The following FBXL7 variants were observed in gnomAD, a reference collection of about 807,000 sequenced individuals.
FBXL7 encodes the protein F-box and leucine rich repeat protein 7.
A neutral mutation model predicts 38.3 loss-of-function variants in FBXL7; 12 were observed. The observed-to-expected ratio is 0.31, with a 90% CI of 0.20 to 0.51. The LOEUF (loss-of-function observed/expected upper bound fraction) is 0.51. Among genes scored for constraint, FBXL7 ranks in the 20% least tolerant of loss-of-function variants. FBXL7 has a pLI of 0.98. For synonymous variants in FBXL7, 297 were observed against 300.9 expected (o/e 0.99, Z 0.13); for missense variants, 567 against 676.4 (o/e 0.84, Z 1.79).
chr5:15,516,564 T>C (rs1255280023), intron 1 of FBXL7, among the ~76,000 whole-genome samples: 3 of 152,224 alleles, frequency 2.0e-5, no homozygotes, highest in Non-Finnish European at 4.4e-5. Context: ...TAGATTGATA[T>C]GGTTTGGCTG....
At position 15,609,340 on chromosome 5, in the gene FBXL7, G is replaced by A. The variant is rs74543095; in HGVS notation, c.38-6643G>A. ...CCCCAGAGTTTTCTTCATTTAAGGG[G>A]AGGGAAATGAGGCTTCAGCCTTTGA... On this transcript the variant is annotated intron_variant, in intron 1 of 3. Coordinates refer to ENST00000504595, the MANE Select transcript of FBXL7 (RefSeq NM_012304.5). Among the ~76,000 whole-genome samples the A allele has an allele frequency of 6.3e-3, 967 of 152,312 alleles. 17 individuals are homozygous for A. The highest frequency in any genetic ancestry group is 0.022 in the African/African-American group (915 of 41,546).
At chr5:15,515,946 A>G (rs1440082673) in intron 1 of FBXL7, among the ~76,000 whole-genome samples, 1 of 152,188 alleles carries the variant, frequency 6.6e-6, no homozygotes, top group Non-Finnish European at 1.5e-5. Flanking sequence ...TTAAAAACAG[A>G]TGATTAGCTT....
At chr5:15,518,110 C>T (rs1580348033) in intron 1 of FBXL7, among the ~76,000 whole-genome samples, 1 of 152,130 alleles carries the variant, frequency 6.6e-6, no homozygotes, top group Non-Finnish European at 1.5e-5. Context: ...CCTGTCTCAG[C>T]CTCCTGGGTA....
intron 2 of FBXL7, among the ~76,000 whole-genome samples, chr5:15,675,120 A>G (rs965120206): frequency 1.3e-5 from 2 of 152,256 alleles, no homozygotes; most frequent in African/African-American, 4.8e-5. Flanking sequence ...AGTGCCTGGA[A>G]TGGGATGCCA....
At chr5:15,775,109 CA>C (rs1412227167) in intron 2 of FBXL7, among the ~76,000 whole-genome samples, 1 of 152,130 alleles carries the variant, frequency 6.6e-6, no homozygotes, top group African/African-American at 2.4e-5. Flanking sequence ...TTGTAAACAT[CA>C]AACAGCTAAG....
intron 2 of FBXL7, among the ~76,000 whole-genome samples, chr5:15,654,262 A>G (rs777845640): frequency 6.6e-6 from 1 of 152,190 alleles, no homozygotes; most frequent in Non-Finnish European, 1.5e-5. Context: ...AACTGATGGA[A>G]TAGCTACCTT....
At chr5:15,871,904 A>G (rs556492181) in intron 2 of FBXL7, among the ~76,000 whole-genome samples, 26 of 152,334 alleles carry the variant, frequency 1.7e-4, no homozygotes, top group Admixed American at 4.6e-4. Context: ...ATAGCAAGAT[A>G]GGCAAACATT....
At chr5:15,629,365 T>C (rs1740926702) in intron 2 of FBXL7, among the ~76,000 whole-genome samples, 1 of 152,178 alleles carries the variant, frequency 6.6e-6, no homozygotes, top group Non-Finnish European at 1.5e-5. Context: ...AAGTTAGAGC[T>C]AGAGACTATG....
intron 2 of FBXL7, among the ~76,000 whole-genome samples, chr5:15,915,465 A>G (rs890876613): frequency 8.5e-5 from 13 of 152,226 alleles, no homozygotes; most frequent in African/African-American, 3.1e-4. Flanking sequence ...CTCCCTCTGC[A>G]TATGAGTCTT....
intron 2 of FBXL7, among the ~76,000 whole-genome samples, chr5:15,920,336 C>A (rs1368547249): frequency 6.6e-6 from 1 of 152,286 alleles, no homozygotes; most frequent in African/African-American, 2.4e-5. Context: ...ACTTGGGCAG[C>A]AGTAACAATG....
chr5:15,528,713 G>T (rs893849909), intron 1 of FBXL7, among the ~76,000 whole-genome samples: 2 of 152,156 alleles, frequency 1.3e-5, no homozygotes, highest in Non-Finnish European at 1.5e-5. Flanking sequence ...TACAATTCAA[G>T]ATGAGATTTG....
At chr5:15,793,764 T>C in intron 2 of FBXL7, among the ~76,000 whole-genome samples, 1 of 152,242 alleles carries the variant, frequency 6.6e-6, no homozygotes, top group Admixed American at 6.5e-5. Flanking sequence ...TAAGCCAGAT[T>C]CTAACAGACA....
chr5:15,743,515 G>A (rs1735941819), intron 2 of FBXL7, among the ~76,000 whole-genome samples: 1 of 152,224 alleles, frequency 6.6e-6, no homozygotes, highest in Non-Finnish European at 1.5e-5. Flanking sequence ...CTGCCCCTGT[G>A]GCTTTGCAGG....
chr5:15,862,798 G>A (rs1739531098), intron 2 of FBXL7, among the ~76,000 whole-genome samples: 1 of 152,208 alleles, frequency 6.6e-6, no homozygotes, highest in African/African-American at 2.4e-5. Flanking sequence ...GTGCTGATGT[G>A]CAGCAGAAAG....
In FBXL7 at chr5:15,582,335, G is replaced by A. The variant is rs1044111020; in HGVS notation, c.38-33648G>A. ...TTTTCTACTCTGGATAAGAGAAATC[G>A]GCTTAATATTAGGATATGCTGAATC... On this transcript the variant is annotated intron_variant, in intron 1 of 3. Coordinates refer to ENST00000504595, the MANE Select transcript of FBXL7 (RefSeq NM_012304.5). Among the ~76,000 whole-genome samples the A allele has an allele frequency of 2.0e-5, 3 of 152,260 alleles. 1 individual carries two copies. The highest frequency in any genetic ancestry group is 4.2e-4 in the South Asian group (2 of 4,818).
intron 3 of FBXL7, among the ~76,000 whole-genome samples, chr5:15,929,743 G>T (rs968194804): frequency 6.6e-6 from 1 of 151,978 alleles, no homozygotes; most frequent in African/African-American, 2.4e-5. Flanking sequence ...CGCCAGACAT[G>T]ATCTGCCTGG....
chr5:15,790,069 A>G (rs1240579720), intron 2 of FBXL7, among the ~76,000 whole-genome samples: 2 of 152,148 alleles, frequency 1.3e-5, no homozygotes, highest in Non-Finnish European at 2.9e-5. Context: ...CTGATGCTAA[A>G]TTATAATTCT....
At chr5:15,586,651 C>T (rs1463471232) in intron 1 of FBXL7, among the ~76,000 whole-genome samples, 1 of 152,118 alleles carries the variant, frequency 6.6e-6, no homozygotes, top group Non-Finnish European at 1.5e-5. Flanking sequence ...GAATTGTCTA[C>T]AGTCCAGGGA....
chr5:15,878,481 AT>A (rs1554030589), intron 2 of FBXL7, among the ~76,000 whole-genome samples: 3 of 152,174 alleles, frequency 2.0e-5, no homozygotes, highest in Non-Finnish European at 4.4e-5. Context: ...TTTAATCTTC[AT>A]AGCCCAGGAG....
Sources: allele counts gnomAD v4.1 joint callset (sites outside exome capture counted in the v4.1 genomes callset), GRCh38; gene constraint gnomAD v4.1.1; transcripts MANE v1.5; gene names NCBI Gene and HGNC (gene_info 2026-07-23, HGNC 2026-07-21).